Variants in UBE2E2 observed in about 807,000 individuals in gnomAD.
The protein encoded by UBE2E2 is ubiquitin conjugating enzyme E2 E2.
Under a neutral mutation model 24.7 loss-of-function variants are expected in UBE2E2, and 6 were observed. That is an observed-to-expected ratio of 0.24 (90% CI 0.13 to 0.48). The LOEUF (loss-of-function observed/expected upper bound fraction) is 0.48. Ranked by LOEUF, UBE2E2 falls within the 20% of genes least tolerant of loss-of-function variation. UBE2E2 has a pLI of 0.99. For synonymous variants in UBE2E2, 104 were observed against 83.6 expected, an observed-to-expected ratio of 1.24 and a Z score of -1.33; for missense variants, 169 against 245.0, an observed-to-expected ratio of 0.69 and a Z score of 2.07.
chr3:23,314,456 G>C (rs1694515729), intron 3 of UBE2E2, among the ~76,000 whole-genome samples: 1 of 152,030 alleles, frequency 6.6e-6, no homozygotes, highest in East Asian at 1.9e-4. Context: ...TTGGGTTTAT[G>C]TTTTTATCTT....
At chr3:23,372,287 A>G (rs1216894842) in intron 3 of UBE2E2, among the ~76,000 whole-genome samples, 1 of 152,050 alleles carries the variant, frequency 6.6e-6, no homozygotes, top group Non-Finnish European at 1.5e-5. Flanking sequence ...TTTGTTTACT[A>G]AGTGTACTGG....
chr3:23,548,276 T>G (rs894987350), intron 5 of UBE2E2, among the ~76,000 whole-genome samples: 2 of 152,226 alleles, frequency 1.3e-5, no homozygotes, highest in Admixed American at 1.3e-4. Context: ...TTCTTACTCC[T>G]TTTACACATT....
chr3:23,433,302 T>A lies in UBE2E2; in HGVS notation c.228-66306T>A, dbSNP rs537379170. 4.6e-3 allele frequency among the ~76,000 whole-genome samples: 699 copies of A among 152,000 alleles called. 2 individuals are homozygous for A. The highest frequency in any genetic ancestry group is 7.4e-3 in the Non-Finnish European group (500 of 67,822). On this transcript the variant is annotated intron_variant, in intron 3 of 5. Coordinates refer to ENST00000396703, the MANE Select transcript of UBE2E2 (RefSeq NM_152653.4). ...CTTCATAATAATAAAAAATTATAAG[T>A]TGACTCCATTAAAAAAAAGCTGAAA... is the stretch of plus-strand genomic sequence containing the variant.
intron 3 of UBE2E2, among the ~76,000 whole-genome samples, chr3:23,218,763 G>A (rs368489130): frequency 2.6e-5 from 4 of 152,020 alleles, no homozygotes; most frequent in African/African-American, 7.2e-5. Flanking sequence ...ATCATGTGAT[G>A]TAGACTGCAA....
intron 3 of UBE2E2, among the ~76,000 whole-genome samples, chr3:23,274,148 T>C (rs1025611968): frequency 6.6e-6 from 1 of 152,236 alleles, no homozygotes; most frequent in African/African-American, 2.4e-5. Context: ...TATGTGTTGC[T>C]GATTTCTGAT....
In UBE2E2 at chr3:23,230,378, A is replaced by G. The variant is rs115998248; in HGVS notation, c.227+13066A>G. Among the ~76,000 whole-genome samples the G allele has an allele frequency of 3.3e-5, 5 of 152,306 alleles. No homozygotes were observed. The East Asian group carries it at 7.7e-4, about 23-fold the overall frequency. On this transcript the variant is annotated intron_variant, in intron 3 of 5. Transcript: ENST00000396703. ...ACTAGTATTCAGTCCCGATAGTTCA[A>G]TGTGTTGCTTATTTCACTGATAGAA...
At chr3:23,507,029 T>A (rs1228688243) in intron 4 of UBE2E2, among the ~76,000 whole-genome samples, 1 of 152,220 alleles carries the variant, frequency 6.6e-6, no homozygotes, top group Admixed American at 6.5e-5. Flanking sequence ...TAAAGCCATA[T>A]AGAACCACCC....
Position 23,416,761 on chromosome 3 carries a change from T to C in UBE2E2, c.228-82847T>C, listed in dbSNP as rs187825505. Reference sequence around the variant, plus strand: ...CTTTGTTCCTTCCTTTTTATTCTTTTTTCTCTAATCTTGTCTTCACGCTTT... The same window carrying C: ...CTTTGTTCCTTCCTTTTTATTCTTTCTTCTCTAATCTTGTCTTCACGCTTT... On this transcript the variant is annotated intron_variant, in intron 3 of 5. Coordinates refer to ENST00000396703, the MANE Select transcript of UBE2E2 (RefSeq NM_152653.4). Among the ~76,000 whole-genome samples, 96 of 152,306 alleles carry C rather than the reference T, an allele frequency of 6.3e-4. 1 individual carries two copies. Among genetic ancestry groups the C allele is most frequent in the African/African-American group, 2.3e-3 (95 of 41,560 alleles).
chr3:23,428,699 G>C (rs1697986116), intron 3 of UBE2E2, among the ~76,000 whole-genome samples: 1 of 151,944 alleles, frequency 6.6e-6, no homozygotes, highest in Admixed American at 6.5e-5. Context: ...AGAGGGCCAG[G>C]TGTGGTGGCT....
intron 3 of UBE2E2, among the ~76,000 whole-genome samples, chr3:23,414,500 C>G (rs909531226): frequency 2.0e-5 from 3 of 152,174 alleles, no homozygotes; most frequent in Non-Finnish European, 1.5e-5. Context: ...CCAGGCCCCA[C>G]CTCCAACAAT....
At chr3:23,224,954 T>A (rs566550669) in intron 3 of UBE2E2, among the ~76,000 whole-genome samples, 17 of 151,834 alleles carry the variant, frequency 1.1e-4, no homozygotes, top group Non-Finnish European at 1.9e-4. Context: ...CAGCACTTGA[T>A]GTTGTCCTTT....
chr3:23,284,658 A>C (rs1023522226), intron 3 of UBE2E2, among the ~76,000 whole-genome samples: 4 of 152,066 alleles, frequency 2.6e-5, no homozygotes, highest in Non-Finnish European at 5.9e-5. Context: ...CTTTTAAAGA[A>C]GATTCTCATT....
At chr3:23,380,271 G>C (rs1028276639) in intron 3 of UBE2E2, among the ~76,000 whole-genome samples, 2 of 152,114 alleles carry the variant, frequency 1.3e-5, no homozygotes, top group Non-Finnish European at 2.9e-5. Context: ...TCAGGCAGGA[G>C]GGCAGTGGTG....
At chr3:23,585,873 CA>C (rs200129554) in intron 5 of UBE2E2, among the ~76,000 whole-genome samples, 47 of 138,018 alleles carry the variant, frequency 3.4e-4, no homozygotes, top group Admixed American at 5.1e-4. Context: ...ACTGTCTCAA[CA>C]AAAAAAAAAA....
At chr3:23,207,617 G>A (rs1006273328) in intron 1 of UBE2E2, among the ~76,000 whole-genome samples, 1 of 152,114 alleles carries the variant, frequency 6.6e-6, no homozygotes, top group Non-Finnish European at 1.5e-5. Context: ...CCTTAGCCCA[G>A]CCCTGAGGAT....
chr3:23,467,494 A>G (rs1456571645), intron 3 of UBE2E2, among the ~76,000 whole-genome samples: 1 of 152,208 alleles, frequency 6.6e-6, no homozygotes, highest in Non-Finnish European at 1.5e-5. Flanking sequence ...ACTGAGCCTC[A>G]GTTACACAAA....
intron 3 of UBE2E2, among the ~76,000 whole-genome samples, chr3:23,494,705 G>A (rs1317899658): frequency 6.6e-6 from 1 of 152,012 alleles, no homozygotes; most frequent in Non-Finnish European, 1.5e-5. Context: ...TTTTATATGA[G>A]GGAAGTAGTA....
intron 3 of UBE2E2, among the ~76,000 whole-genome samples, chr3:23,322,677 A>G (rs746856814): frequency 6.6e-6 from 1 of 152,046 alleles, no homozygotes; most frequent in Non-Finnish European, 1.5e-5. Flanking sequence ...AGAGCATGTA[A>G]CTTCGTAAGC....
At chr3:23,270,569 A>C (rs1050104024) in intron 3 of UBE2E2, among the ~76,000 whole-genome samples, 1 of 152,180 alleles carries the variant, frequency 6.6e-6, no homozygotes, top group Admixed American at 6.5e-5. Flanking sequence ...GCCCTGAGGA[A>C]GTATAGAGTA....
Sources: gnomAD v4.1 joint callset for allele counts (sites outside exome capture counted in the v4.1 genomes callset) on GRCh38, gnomAD v4.1.1 for gene constraint, MANE v1.5 for transcripts, NCBI Gene and HGNC (gene_info 2026-07-23, HGNC 2026-07-21) for gene names.